The following STXBP4 variants were observed in gnomAD, a reference collection of about 807,000 sequenced individuals.
The protein encoded by STXBP4 is syntaxin-binding protein 4.
In STXBP4, 55 loss-of-function variants were observed where a neutral mutation model predicts 76.1. The ratio of observed to expected loss-of-function variants is 0.72; its 90% CI spans 0.58 to 0.91. The LOEUF (loss-of-function observed/expected upper bound fraction) is 0.91, where lower values mean the gene tolerates loss of function less well. Among genes scored for constraint, STXBP4 ranks in the 40% least tolerant of loss-of-function variants. The pLI is 0.00. For missense variants in STXBP4, 618 were observed against 636.9 expected (o/e 0.97, Z 0.32); for synonymous variants, 201 against 220.2 (o/e 0.91, Z 0.77).
intron 8 of STXBP4, among the ~76,000 whole-genome samples, chr17:55,030,014 C>T (rs1567727165): frequency 1.3e-5 from 2 of 152,020 alleles, no homozygotes; most frequent in Non-Finnish European, 2.9e-5. Context: ...TTGATGTGAT[C>T]GACACTATAT....
At chr17:55,153,187 A>G (rs2080235100) in intron 17 of STXBP4, among the ~76,000 whole-genome samples, 1 of 152,204 alleles carries the variant, frequency 6.6e-6, no homozygotes, top group African/African-American at 2.4e-5. Flanking sequence ...GTCCTAAAAG[A>G]CAGTTAATTC....
At position 55,162,042 on chromosome 17, in the gene STXBP4, A is replaced by G. The variant is rs1171257005; in HGVS notation, c.*2131A>G. The G allele has an allele frequency of 6.6e-6, 1 of 152,220 alleles. No homozygotes were observed. Among genetic ancestry groups the G allele is most frequent in the Non-Finnish European group, 1.5e-5 (1 of 68,046 alleles). The allele number at this position is 152,220 out of a possible 1,614,324, so 9.4% of individuals were successfully genotyped here. On this transcript the variant is annotated 3_prime_UTR_variant, in exon 18 of 18. Coordinates refer to ENST00000376352, the MANE Select transcript of STXBP4 (RefSeq NM_178509.6). ...TTCTAGTAATTAGAGCTGATAAGAA[A>G]AGAATTCCCCAGGAGAAAATGGAAA... is the stretch of plus-strand genomic sequence containing the variant.
chr17:55,107,265 T>C (rs1239162223), intron 16 of STXBP4, among the ~76,000 whole-genome samples: 1 of 152,198 alleles, frequency 6.6e-6, no homozygotes, highest in Non-Finnish European at 1.5e-5. Flanking sequence ...GAAGTTCTCG[T>C]GCTGTGTTTT....
chr17:55,160,888 T>C lies in STXBP4; in HGVS notation c.*977T>C, dbSNP rs72834844. On this transcript the variant is annotated 3_prime_UTR_variant, in exon 18 of 18. Coordinates refer to ENST00000376352, the MANE Select transcript of STXBP4 (RefSeq NM_178509.6). ...TTCAGCAGCTCGTGTTTTTCTAAAG[T>C]GAAAGGCATGGTTTGTCCTGCTTAG... The C allele has an allele frequency of 2.6e-5, 4 of 152,402 alleles. No homozygotes were observed. The highest frequency in any genetic ancestry group is 5.9e-5 in the Non-Finnish European group (4 of 68,086). 9.4% of individuals were successfully genotyped at this position (152,402 alleles called of 1,614,324 possible).
At chr17:55,021,029 G>A (rs1490116289) in intron 8 of STXBP4, among the ~76,000 whole-genome samples, 2 of 152,030 alleles carry the variant, frequency 1.3e-5, no homozygotes, top group Non-Finnish European at 2.9e-5. Flanking sequence ...TATACACTCT[G>A]AGGAAAAATA....
At chr17:55,076,849 T>C (rs191413368) in intron 13 of STXBP4, among the ~76,000 whole-genome samples, 1 of 152,316 alleles carries the variant, frequency 6.6e-6, no homozygotes, top group East Asian at 1.9e-4. Context: ...TTTTTGTCTT[T>C]CTGTTCCATT....
In STXBP4 at chr17:55,078,184, A is replaced by G. The variant is rs759106714; in HGVS notation, c.1295A>G (p.His432Arg). 1 of 1,606,576 alleles carries G rather than the reference A, an allele frequency of 6.2e-7. No individual in the cohort carries two copies. Among genetic ancestry groups the G allele is most frequent in the Non-Finnish European group, 8.5e-7 (1 of 1,176,670 alleles). ...TFEASTEKLL[H>R]FVEAIQEVFS... The stretch of plus-strand genomic sequence containing the variant: ...GAGGCATCCACTGAAAAGCTTCTTC[A>G]TTTTGTAGAGGTAAGTTTTTCTGTT... The change falls in exon 14 of 18, where the codon CAT becomes CGT. Residue 432 changes from histidine to arginine, a missense_variant. Coordinates refer to ENST00000376352, the MANE Select transcript of STXBP4 (RefSeq NM_178509.6).
rs112664462 is a variant in STXBP4 at position 55,034,374 on chromosome 17, G to C, written c.855+115G>C. 82 of 591,436 alleles carry C rather than the reference G, an allele frequency of 1.4e-4. 1 individual carries two copies. The Middle Eastern group carries it at 2.0e-3, about 14-fold the overall frequency. 36.6% of individuals were successfully genotyped at this position (591,436 alleles called of 1,614,324 possible). A position where few individuals can be genotyped will look rare whatever the true frequency, so the allele number is the denominator to read the frequency against. On this transcript the variant is annotated intron_variant, in intron 10 of 17. Transcript: ENST00000376352. ...AAATAGAAATAATACATGTTTCTTG[G>C]ATAAATATATAAATACAAATCAATT...
At chr17:55,193,559 A>G in the STXBP4 span, among the ~76,000 whole-genome samples, 1 of 152,124 alleles carries the variant, frequency 6.6e-6, no homozygotes, top group East Asian at 1.9e-4. Context: ...GCAGTAAAAT[A>G]CAAGGAGAAA....
At chr17:55,017,856 G>A (rs1598210738) in intron 8 of STXBP4, among the ~76,000 whole-genome samples, 1 of 152,152 alleles carries the variant, frequency 6.6e-6, no homozygotes, top group East Asian at 1.9e-4. Context: ...CTTAAGTCTG[G>A]CAGCCATGCT....
At chr17:55,200,668 C>A in the STXBP4 span, among the ~76,000 whole-genome samples, 2 of 152,324 alleles carry the variant, frequency 1.3e-5, no homozygotes, top group African/African-American at 2.4e-5. Flanking sequence ...CTGCCTCATT[C>A]TTCTCCCTGT....
chr17:55,137,395 A>T (rs1170486900), intron 16 of STXBP4, among the ~76,000 whole-genome samples: 1 of 151,972 alleles, frequency 6.6e-6, no homozygotes, highest in East Asian at 1.9e-4. Context: ...TTTCAAATAC[A>T]TCTGACTCTG....
intron 12 of STXBP4, among the ~76,000 whole-genome samples, chr17:55,051,325 A>G (rs1226296146): frequency 6.6e-6 from 1 of 151,990 alleles, no homozygotes; most frequent in Admixed American, 6.6e-5. Context: ...TATGGTAAGG[A>G]AAAAAAACAA....
chr17:55,079,704 G>C (rs2079233055), intron 15 of STXBP4, among the ~76,000 whole-genome samples: 1 of 151,980 alleles, frequency 6.6e-6, no homozygotes, highest in African/African-American at 2.4e-5. Context: ...GGAGCTCTAG[G>C]AGATTGAGGC....
chr17:55,013,908 T>A (rs1434138566), intron 8 of STXBP4, among the ~76,000 whole-genome samples: 1 of 152,060 alleles, frequency 6.6e-6, no homozygotes, highest in Non-Finnish European at 1.5e-5. Context: ...GAAAAAGACA[T>A]CCTTAAGGTC....
At chr17:55,011,429 T>G (rs1388229891) in intron 8 of STXBP4, among the ~76,000 whole-genome samples, 1 of 151,844 alleles carries the variant, frequency 6.6e-6, no homozygotes, top group Non-Finnish European at 1.5e-5. Flanking sequence ...GGGGAAATTT[T>G]GAGTTCGTCA....
chr17:55,021,527 A>C (rs986154998), intron 8 of STXBP4, among the ~76,000 whole-genome samples: 2 of 152,082 alleles, frequency 1.3e-5, no homozygotes, highest in African/African-American at 2.4e-5. Context: ...AAAAATAATC[A>C]TAATCATAAT....
chr17:54,990,052 C>A (rs922563182), intron 3 of STXBP4, among the ~76,000 whole-genome samples: 2 of 152,190 alleles, frequency 1.3e-5, no homozygotes, highest in Admixed American at 6.5e-5. Context: ...GCCTTTAATA[C>A]ATTTTTGTCC....
intron 16 of STXBP4, among the ~76,000 whole-genome samples, chr17:55,084,095 CAACAGTGTA>C (rs1371490186): frequency 6.6e-6 from 1 of 152,030 alleles, no homozygotes; most frequent in East Asian, 1.9e-4. Context: ...ACAGTCCCAC[CAACAGTGTA>C]AAAGTGTTCC....
Sources: allele counts gnomAD v4.1 joint callset (sites outside exome capture counted in the v4.1 genomes callset), GRCh38; gene constraint gnomAD v4.1.1; transcripts MANE v1.5; gene names NCBI Gene and HGNC (gene_info 2026-07-23, HGNC 2026-07-21).